Variants in KHDRBS3 observed in about 807,000 individuals in gnomAD.
The protein encoded by KHDRBS3 is KH RNA binding domain containing, signal transduction associated 3.
A neutral mutation model predicts 45.6 loss-of-function variants in KHDRBS3; 23 were observed. The observed-to-expected ratio is 0.50, with a 90% CI of 0.36 to 0.72. The LOEUF is 0.72. Among genes scored for constraint, KHDRBS3 ranks in the 30% least tolerant of loss-of-function variants. The pLI, the probability that KHDRBS3 is intolerant of heterozygous loss-of-function variation, is 0.00. For missense variants in KHDRBS3, 352 were observed against 424.8 expected (o/e 0.83, Z 1.51); for synonymous variants, 162 against 156.5 (o/e 1.04, Z -0.26).
rs1806668655 is a variant in KHDRBS3 at position 135,521,119 on chromosome 8, A to G, written c.89-118A>G. 1.2e-5 allele frequency: 8 copies of G among 647,710 alleles called. No homozygotes were observed. The South Asian group carries it at 1.6e-4, about 13-fold the overall frequency. 40.1% of individuals were successfully genotyped at this position (647,710 alleles called of 1,614,324 possible). A position where few individuals can be genotyped will look rare whatever the true frequency, so the allele number is the denominator to read the frequency against. On this transcript the variant is annotated intron_variant, in intron 1 of 8. Transcript: ENST00000355849. The stretch of plus-strand genomic sequence containing the variant: ...AAATGTACTTGAAAACATTTGCCTC[A>G]ATTTAATAGTCCATACTTCAGTAGT...
downstream of KHDRBS3, among the ~76,000 whole-genome samples, chr8:135,652,428 C>T (rs1266803273): frequency 1.3e-5 from 2 of 152,202 alleles, no homozygotes; most frequent in Non-Finnish European, 2.9e-5. Context: ...TGGCTCTGAA[C>T]CTCAAGCCGT....
At chr8:135,536,245 T>G (rs1287866553) in intron 2 of KHDRBS3, among the ~76,000 whole-genome samples, 2 of 112,178 alleles carry the variant, frequency 1.8e-5, no homozygotes, top group Non-Finnish European at 3.3e-5. Flanking sequence ...TTTTTTTTTT[T>G]TTTTTTTTTT....
intron 1 of KHDRBS3, among the ~76,000 whole-genome samples, chr8:135,468,845 A>G (rs1228265319): frequency 6.6e-6 from 1 of 152,214 alleles, no homozygotes; most frequent in Non-Finnish European, 1.5e-5. Context: ...TCAGTCTCTT[A>G]TGACTTGTCA....
intron 4 of KHDRBS3, among the ~76,000 whole-genome samples, chr8:135,556,925 G>A (rs1826915037): frequency 1.3e-5 from 2 of 152,158 alleles, no homozygotes; most frequent in Admixed American, 6.5e-5. Context: ...TTCACAACTT[G>A]TATAATTTTC....
At chr8:135,600,951 C>G (rs1162728704) in intron 6 of KHDRBS3, among the ~76,000 whole-genome samples, 1 of 152,194 alleles carries the variant, frequency 6.6e-6, no homozygotes, top group African/African-American at 2.4e-5. Flanking sequence ...AGTCTGCCCA[C>G]CTCAGCCTTC....
At chr8:135,582,961 A>G (rs1429068190) in intron 6 of KHDRBS3, among the ~76,000 whole-genome samples, 1 of 152,174 alleles carries the variant, frequency 6.6e-6, no homozygotes, top group African/African-American at 2.4e-5. Context: ...TCTTGGACAT[A>G]TTTAAGTTTT....
intron 6 of KHDRBS3, among the ~76,000 whole-genome samples, chr8:135,602,333 ATAT>A (rs1262520266): frequency 1.3e-5 from 2 of 152,224 alleles, no homozygotes; most frequent in Non-Finnish European, 2.9e-5. Context: ...GAAGTACAAA[ATAT>A]TCACCACCAT....
At chr8:135,514,584 T>A (rs10875375) in intron 1 of KHDRBS3, among the ~76,000 whole-genome samples, 1 of 152,224 alleles carries the variant, frequency 6.6e-6, no homozygotes, top group Admixed American at 6.5e-5. Context: ...AGTAGTTTAA[T>A]GTGCATAGGG....
rs565614809 is a variant in KHDRBS3, at chr8:135,514,763, C to T, written c.89-6474C>T. On this transcript the variant is annotated intron_variant, in intron 1 of 8. Transcript: ENST00000355849. ...AGTCAGATATATCTAGATTTGAATT[C>T]TGACTGTGCTATTAGCTCTCTAACC... is the stretch of plus-strand genomic sequence containing the variant. 2.2e-3 allele frequency among the ~76,000 whole-genome samples: 336 copies of T among 152,190 alleles called. 2 individuals carry two copies. The highest frequency in any genetic ancestry group is 4.1e-3 in the Non-Finnish European group (282 of 68,024).
chr8:135,518,525 A>G (rs1824741849), intron 1 of KHDRBS3, among the ~76,000 whole-genome samples: 2 of 152,182 alleles, frequency 1.3e-5, no homozygotes, highest in Admixed American at 6.5e-5. Flanking sequence ...TTTGACACAC[A>G]TACACATACC....
At chr8:135,630,569 A>T (rs1024448671) in intron 7 of KHDRBS3, among the ~76,000 whole-genome samples, 1 of 151,862 alleles carries the variant, frequency 6.6e-6, no homozygotes, top group African/African-American at 2.4e-5. Context: ...TAATTTCATC[A>T]TTAGGGGAAC....
chr8:135,589,322 C>A (rs553097046), intron 6 of KHDRBS3, among the ~76,000 whole-genome samples: 8 of 152,260 alleles, frequency 5.3e-5, no homozygotes, highest in African/African-American at 1.9e-4. Flanking sequence ...CACCTCCCCC[C>A]ATAAGGAAGA....
intron 1 of KHDRBS3, among the ~76,000 whole-genome samples, chr8:135,508,858 A>G (rs1355494933): frequency 6.6e-6 from 1 of 152,160 alleles, no homozygotes; most frequent in Non-Finnish European, 1.5e-5. Flanking sequence ...TTGTTTAGGT[A>G]TACTTTCCTG....
At chr8:135,532,843 A>G (rs1295015425) in intron 2 of KHDRBS3, among the ~76,000 whole-genome samples, 2 of 152,174 alleles carry the variant, frequency 1.3e-5, no homozygotes, top group Non-Finnish European at 2.9e-5. Context: ...AAGTCCAGTT[A>G]TATGCACTTT....
chr8:135,568,122 C>T (rs761699263), intron 5 of KHDRBS3, among the ~76,000 whole-genome samples: 3 of 152,294 alleles, frequency 2.0e-5, no homozygotes, highest in African/African-American at 4.8e-5. Flanking sequence ...TCCCGTCTTC[C>T]GCTTCCCTCA....
At chr8:135,482,190 A>C (rs1280162063) in intron 1 of KHDRBS3, among the ~76,000 whole-genome samples, 1 of 152,224 alleles carries the variant, frequency 6.6e-6, no homozygotes, top group Non-Finnish European at 1.5e-5. Context: ...AAAAGATGTC[A>C]TTAATGTCAC....
At chr8:135,558,472 AAGTTT>A (rs1322736008) in intron 5 of KHDRBS3, among the ~76,000 whole-genome samples, 6 of 152,182 alleles carry the variant, frequency 3.9e-5, no homozygotes, top group African/African-American at 1.4e-4. Context: ...GTATATCTCT[AAGTTT>A]ATTTGGGAGA....
rs144678067 is a variant in KHDRBS3, at chr8:135,483,067, A to T, written c.88+25113A>T. Among the ~76,000 whole-genome samples, 624 of 152,188 alleles carry T rather than the reference A, an allele frequency of 4.1e-3. 2 individuals carry two copies. Among genetic ancestry groups the T allele is most frequent in the Middle Eastern group, 6.8e-3 (2 of 294 alleles). Reference sequence around the variant, plus strand: ...TTATTTGTTTTTTTTGTTTCTCAGCATTTCTAGACATCAAATATCTTTCTC... The same window carrying T: ...TTATTTGTTTTTTTTGTTTCTCAGCTTTTCTAGACATCAAATATCTTTCTC... On this transcript the variant is annotated intron_variant, in intron 1 of 8. Transcript: ENST00000355849.
chr8:135,555,671 G>C (rs1486625779), intron 4 of KHDRBS3, among the ~76,000 whole-genome samples: 1 of 152,088 alleles, frequency 6.6e-6, no homozygotes, highest in African/African-American at 2.4e-5. Context: ...ACTTAAAAAA[G>C]CAGTTGACTG....
Sources: allele counts gnomAD v4.1 joint callset (sites outside exome capture counted in the v4.1 genomes callset), GRCh38; gene constraint gnomAD v4.1.1; transcripts MANE v1.5; gene names NCBI Gene and HGNC (gene_info 2026-07-23, HGNC 2026-07-21).